CRYBG1: variants seen among roughly 807,000 people sequenced by gnomAD.
CRYBG1 encodes beta/gamma crystallin domain-containing protein 1.
In CRYBG1, 139 loss-of-function variants were observed where a neutral mutation model predicts 189.2. That is an observed-to-expected ratio of 0.73 (90% confidence interval 0.64 to 0.85). The LOEUF is 0.85. CRYBG1 is among the 40% of genes least tolerant of loss of function. The probability of loss-of-function intolerance (pLI) is 0.00; values close to 1 mark genes in which losing one functional copy is unlikely to be tolerated. For missense variants in CRYBG1, 2,611 were observed against 2,675.8 expected (o/e 0.98, Z 0.53); for synonymous variants, 1,023 against 1,017.1 (o/e 1.01, Z -0.11).
In CRYBG1 at chr6:106,367,811, A is replaced by G. The variant is rs1256997961; in HGVS notation, c.173+6730A>G. Among the ~76,000 whole-genome samples, 3 of 151,764 alleles carry G rather than the reference A, an allele frequency of 2.0e-5. No homozygotes were observed. The East Asian group carries it at 5.8e-4, about 30-fold the overall frequency. The stretch of plus-strand genomic sequence containing the variant: ...GACCCTGCTTATCCAAAAAAAAAAA[A>G]AAAAAATTAGCCAGGTGTGGTGGCA... On this transcript the variant is annotated intron_variant, in intron 1 of 21. Coordinates refer to ENST00000633556, the MANE Select transcript of CRYBG1 (RefSeq NM_001371242.2).
At position 106,556,560 on chromosome 6, in the gene CRYBG1, C is replaced by A. The variant is rs151024872; in HGVS notation, c.5715+663C>A. ...CTATGTGCTAATCCAGATTATAGTGCCCTCTTTTGGACAGAAGTCTTTCAG... is the reference window on the plus strand; with the variant it reads ...CTATGTGCTAATCCAGATTATAGTGACCTCTTTTGGACAGAAGTCTTTCAG... On this transcript the variant is annotated intron_variant, in intron 17 of 21. Transcript: ENST00000633556. Among the ~76,000 whole-genome samples the A allele has an allele frequency of 3.2e-3, 481 of 152,234 alleles. 5 individuals are homozygous for A. Among genetic ancestry groups the A allele is most frequent in the African/African-American group, 0.011 (444 of 41,520 alleles).
chr6:106,513,055 A>G lies in CRYBG1; in HGVS notation c.1922+16A>G. On this transcript the variant is annotated intron_variant, in intron 3 of 21. Transcript: ENST00000633556. The stretch of plus-strand genomic sequence containing the variant: ...AAGTGACCCTGTAAGTAGCCGCGCA[A>G]GTCCCGGCCGAGTTGCTGTCCGCAC... 6.3e-7 allele frequency: 1 copy of G among 1,591,806 alleles called. No individual in the cohort carries two copies. The highest frequency in any genetic ancestry group is 8.5e-7 in the Non-Finnish European group (1 of 1,176,038).
chr6:106,392,188 T>C (rs191952493), intron 1 of CRYBG1, among the ~76,000 whole-genome samples: 25 of 152,150 alleles, frequency 1.6e-4, no homozygotes, highest in Non-Finnish European at 3.2e-4. Flanking sequence ...GGGGAATAAG[T>C]TGGGTTTTTT....
chr6:106,514,992 A>G (rs1394369312), intron 3 of CRYBG1, among the ~76,000 whole-genome samples: 2 of 152,216 alleles, frequency 1.3e-5, no homozygotes, highest in African/African-American at 4.8e-5. Context: ...AATTCTTCCT[A>G]TGACCGTATC....
rs1159423705 is a variant in CRYBG1 at position 106,408,501 on chromosome 6, A to G, written c.174-43193A>G. Among the ~76,000 whole-genome samples, 8 of 152,026 alleles carry G rather than the reference A, an allele frequency of 5.3e-5. No homozygotes were observed. The East Asian group carries it at 1.4e-3, about 26-fold the overall frequency. ...TATTCCAATCAATAGAAAAAGAGGGACTCCTCCCTAACTCATTTTATGAGG... is the reference window on the plus strand; with the variant it reads ...TATTCCAATCAATAGAAAAAGAGGGGCTCCTCCCTAACTCATTTTATGAGG... On this transcript the variant is annotated intron_variant, in intron 1 of 21. Transcript: ENST00000633556.
In CRYBG1 at chr6:106,527,406, A is replaced by C; in HGVS notation, c.4514A>C (p.Glu1505Ala). The stretch of plus-strand genomic sequence containing the variant: ...CTCTGGGGTATAGAAGACATTTTGG[A>C]AAGGCACGAAGAAGCAGAGTCTGAT... ...SGLWGIEDIL[E>A]RHEEAESDKP... Residue 1505 changes from glutamate (E) to alanine (A), a missense_variant, in exon 7 of 22, where the codon GAA becomes GCA. By Grantham distance (107) the Glu-to-Ala change is moderately radical. Coordinates refer to ENST00000633556, the MANE Select transcript of CRYBG1 (RefSeq NM_001371242.2). 1 of 1,613,848 alleles carries C rather than the reference A, an allele frequency of 6.2e-7. No homozygotes were observed. Among genetic ancestry groups the C allele is most frequent in the Non-Finnish European group, 8.5e-7 (1 of 1,179,818 alleles).
intron 1 of CRYBG1, among the ~76,000 whole-genome samples, chr6:106,361,978 T>TCTTTCTTTCTTTC (rs1345622462): frequency 2.2e-5 from 3 of 134,480 alleles, no homozygotes; most frequent in African/African-American, 8.4e-5. Context: ...TCTTTTTTTT[T>TCTTTCTTTCTTTC]TTTTTTTTCT....
intron 16 of CRYBG1, among the ~76,000 whole-genome samples, chr6:106,554,684 T>A (rs943871184): frequency 1.3e-5 from 2 of 152,118 alleles, no homozygotes; most frequent in Non-Finnish European, 2.9e-5. Context: ...TGCTACCACA[T>A]CCCCACTCCT....
At chr6:106,518,992 T>TACACACAC in intron 3 of CRYBG1, 139 bp from the exon 4 acceptor site, 1 of 636,990 alleles carries the variant, frequency 1.6e-6, no homozygotes, top group Non-Finnish European at 2.5e-6. Flanking sequence ...CACACACACA[T>TACACACAC]ACACACACAC....
intron 2 of CRYBG1, among the ~76,000 whole-genome samples, chr6:106,453,979 G>A (rs1397144265): frequency 2.0e-5 from 3 of 152,132 alleles, no homozygotes; most frequent in Non-Finnish European, 2.9e-5. Context: ...AGGCGACCCT[G>A]TCTCTAAGTG....
At chr6:106,403,763 T>A (rs1229526904) in intron 1 of CRYBG1, among the ~76,000 whole-genome samples, 1 of 152,158 alleles carries the variant, frequency 6.6e-6, no homozygotes, top group Non-Finnish European at 1.5e-5. Context: ...AAGTATGGTG[T>A]GAAAAACACT....
intron 1 of CRYBG1, among the ~76,000 whole-genome samples, chr6:106,386,696 G>A (rs1224717826): frequency 6.6e-6 from 1 of 152,106 alleles, no homozygotes; most frequent in East Asian, 1.9e-4. Flanking sequence ...ACACTCCTAT[G>A]AGAATCGAAT....
At chr6:106,403,490 A>G (rs1770762162) in intron 1 of CRYBG1, among the ~76,000 whole-genome samples, 1 of 152,244 alleles carries the variant, frequency 6.6e-6, no homozygotes, top group Admixed American at 6.5e-5. Context: ...TTGGGTCACC[A>G]TTAAAGGATT....
At chr6:106,542,128 A>G (rs1324396032) in intron 10 of CRYBG1, among the ~76,000 whole-genome samples, 4 of 149,582 alleles carry the variant, frequency 2.7e-5, no homozygotes, top group Admixed American at 6.7e-5. Context: ...ATACATATAT[A>G]TGTGTGTGTG....
At chr6:106,530,106 A>G in intron 7 of CRYBG1, 70 bp from the exon 8 acceptor site, 1 of 1,337,864 alleles carries the variant, frequency 7.5e-7, no homozygotes, top group South Asian at 1.7e-5. Context: ...TAAGAAGAAG[A>G]AGAATGAGCT....
chr6:106,554,707 C>T (rs1322283854), intron 16 of CRYBG1, among the ~76,000 whole-genome samples: 3 of 152,196 alleles, frequency 2.0e-5, no homozygotes, highest in African/African-American at 4.8e-5. Flanking sequence ...TTATCCCCTG[C>T]CTGCTTCATT....
chr6:106,398,232 C>T (rs1316606973), intron 1 of CRYBG1, among the ~76,000 whole-genome samples: 3 of 151,946 alleles, frequency 2.0e-5, no homozygotes, highest in Non-Finnish European at 1.5e-5. Context: ...TCCAGCAAAC[C>T]GGCCAGGTAC....
chr6:106,473,227 G>GAATATAAACCA (rs1264791873), intron 2 of CRYBG1, among the ~76,000 whole-genome samples: 1 of 152,050 alleles, frequency 6.6e-6, no homozygotes, highest in African/African-American at 2.4e-5. Flanking sequence ...AGAGAGAATA[G>GAATATAAACCA]AATATAAACC....
At chr6:106,411,717 C>T (rs1428516915) in intron 1 of CRYBG1, among the ~76,000 whole-genome samples, 2 of 152,070 alleles carry the variant, frequency 1.3e-5, no homozygotes, top group African/African-American at 2.4e-5. Context: ...GTAGTGGCTC[C>T]GTCCAATCTG....
Sources: allele counts gnomAD v4.1 joint callset (sites outside exome capture counted in the v4.1 genomes callset), GRCh38; gene constraint gnomAD v4.1.1; transcripts MANE v1.5; gene names NCBI Gene and HGNC (gene_info 2026-07-23, HGNC 2026-07-21).